The following CWF19L2 variants were observed in gnomAD, a reference collection of about 807,000 sequenced individuals.
The protein encoded by CWF19L2 is CWF19-like protein 2.
In CWF19L2, 98 loss-of-function variants were observed where a neutral mutation model predicts 111.7. The ratio of observed to expected loss-of-function variants is 0.88; its 90% CI spans 0.75 to 1.04. CWF19L2 has a LOEUF of 1.04. CWF19L2 is among the 50% of genes least tolerant of loss of function. The pLI, the probability that CWF19L2 is intolerant of heterozygous loss-of-function variation, is 0.00. For synonymous variants in CWF19L2, 351 were observed against 342.9 expected (o/e 1.02, Z -0.26); for missense variants, 1,101 against 1,051.4 (o/e 1.05, Z -0.65).
intron 10 of CWF19L2, among the ~76,000 whole-genome samples, chr11:107,411,267 G>A (rs1861153823): frequency 6.6e-6 from 1 of 152,034 alleles, no homozygotes; most frequent in African/African-American, 2.4e-5. Context: ...TCCCTTAGAT[G>A]GTTAAGTAAC....
chr11:107,418,900 A>C (rs151079885), intron 8 of CWF19L2, among the ~76,000 whole-genome samples: 29 of 152,368 alleles, frequency 1.9e-4, no homozygotes, highest in African/African-American at 6.3e-4. Context: ...GAAATAATTC[A>C]AGGCTACAGT....
chr11:107,401,653 C>T (rs1442466166), intron 10 of CWF19L2, among the ~76,000 whole-genome samples: 7 of 152,116 alleles, frequency 4.6e-5, no homozygotes, highest in African/African-American at 1.7e-4. Context: ...AATGACCATA[C>T]TGCCAAAAGC....
intron 8 of CWF19L2, among the ~76,000 whole-genome samples, chr11:107,426,776 GT>G (rs760827587): frequency 1.3e-5 from 2 of 151,374 alleles, no homozygotes; most frequent in Non-Finnish European, 3.0e-5. Flanking sequence ...TATAAGTTAT[GT>G]TTTTATAAAA....
chr11:107,439,060 T>G lies in CWF19L2; in HGVS notation c.664+30A>C, dbSNP rs765722237. The G allele has an allele frequency of 1.3e-5, 6 of 471,054 alleles. No individual in the cohort carries two copies. In the African/African-American group the frequency reaches 1.8e-4, roughly 14 times the overall value. The allele number at this position is 471,054 out of a possible 1,614,324, so 29.2% of individuals were successfully genotyped here. ...GAAAAAAAAAAAAAAAAAAAAACCC[T>G]GTGTGTCTATAATCAAAATGTAGAA... On this transcript the variant is annotated intron_variant, in intron 6 of 17. Transcript: ENST00000282251.
At chr11:107,436,928 A>G (rs1419135546) in intron 6 of CWF19L2, among the ~76,000 whole-genome samples, 1 of 152,196 alleles carries the variant, frequency 6.6e-6, no homozygotes, top group South Asian at 2.1e-4. Context: ...AAGCTGATAT[A>G]TAACTGTGCC....
chr11:107,345,626 A>G (rs1386954075), intron 14 of CWF19L2: 1 of 292,096 alleles, frequency 3.4e-6, no homozygotes, highest in African/African-American at 2.3e-5. Context: ...TCCAAGGAGG[A>G]TACACACACA....
chr11:107,337,367 TTGTGTGTGTGTGTGTGTGTGTGTG>T (rs5794537), intron 14 of CWF19L2, among the ~76,000 whole-genome samples: 13 of 148,218 alleles, frequency 8.8e-5, no homozygotes, highest in African/African-American at 2.2e-4. Flanking sequence ...GGTGTGTGTT[TTGTGTGTGTGTGTGTGTGTGTGTG>T]TGTGTGTGTG....
intron 4 of CWF19L2, among the ~76,000 whole-genome samples, chr11:107,442,498 C>T (rs1436055929): frequency 6.7e-6 from 1 of 149,604 alleles, no homozygotes; most frequent in Admixed American, 6.7e-5. Context: ...GTCTAGGCAA[C>T]ATAGGGAGAC....
At chr11:107,429,806 C>CAA (rs33980353) in intron 7 of CWF19L2, among the ~76,000 whole-genome samples, 1,373 of 105,626 alleles carry the variant, frequency 0.013, 26 homozygotes, top group African/African-American at 0.039. Flanking sequence ...AGATTCTCAC[C>CAA]AAAAAAAAAA....
chr11:107,441,687 A>T, intron 4 of CWF19L2, 65 bp from the exon 5 acceptor site: 1 of 1,382,038 alleles, frequency 7.2e-7, no homozygotes, highest in Non-Finnish European at 9.4e-7. Context: ...AACTGATTAG[A>T]ATTTAATAAA....
intron 12 of CWF19L2, among the ~76,000 whole-genome samples, chr11:107,374,529 A>C (rs1433107135): frequency 7.5e-6 from 1 of 133,634 alleles, no homozygotes; most frequent in Non-Finnish European, 1.6e-5. Context: ...TAAGCTTCCT[A>C]AGTGAAGGAG....
intron 10 of CWF19L2, among the ~76,000 whole-genome samples, chr11:107,398,093 A>T (rs940635529): frequency 6.6e-6 from 1 of 152,112 alleles, no homozygotes; most frequent in Non-Finnish European, 1.5e-5. Context: ...CAGAAAACCA[A>T]CCCTGGTAAT....
At chr11:107,343,347 T>C (rs1031448833) in intron 14 of CWF19L2, among the ~76,000 whole-genome samples, 14 of 152,112 alleles carry the variant, frequency 9.2e-5, no homozygotes, top group Non-Finnish European at 1.9e-4. Flanking sequence ...GGATTGACCC[T>C]TTCATCATTA....
At chr11:107,455,361 T>A (rs1176368621) in intron 2 of CWF19L2, among the ~76,000 whole-genome samples, 7 of 151,992 alleles carry the variant, frequency 4.6e-5, no homozygotes, top group Admixed American at 4.6e-4. Flanking sequence ...AAAAATAAAA[T>A]AAAATAAATA....
chr11:107,333,490 C>T (rs948029057), intron 16 of CWF19L2, among the ~76,000 whole-genome samples: 1 of 152,108 alleles, frequency 6.6e-6, no homozygotes, highest in African/African-American at 2.4e-5. Context: ...GAATACTTAA[C>T]AGCATGAGAA....
intron 6 of CWF19L2, among the ~76,000 whole-genome samples, chr11:107,437,917 A>G (rs1387397275): frequency 6.6e-6 from 1 of 152,196 alleles, no homozygotes; most frequent in Non-Finnish European, 1.5e-5. Context: ...TGTTCCCTAA[A>G]CTATCTATGA....
intron 3 of CWF19L2, among the ~76,000 whole-genome samples, chr11:107,447,393 G>A (rs1861715966): frequency 6.6e-6 from 1 of 152,092 alleles, no homozygotes; most frequent in South Asian, 2.1e-4. Context: ...AGTCCACAAG[G>A]TCAGGCAAAG....
intron 12 of CWF19L2, among the ~76,000 whole-genome samples, chr11:107,382,307 T>C (rs186055655): frequency 3.3e-5 from 5 of 152,322 alleles, no homozygotes; most frequent in Non-Finnish European, 4.4e-5. Flanking sequence ...ACATGAGTCA[T>C]TTGAATGACA....
intron 8 of CWF19L2, among the ~76,000 whole-genome samples, chr11:107,425,177 G>GAAACAC (rs1861356414): frequency 9.7e-6 from 1 of 102,834 alleles, no homozygotes; most frequent in Non-Finnish European, 1.9e-5. Context: ...TACTCTCTTT[G>GAAACAC]AAACACACAC....
Sources: gnomAD v4.1 joint callset for allele counts (sites outside exome capture counted in the v4.1 genomes callset) on GRCh38, gnomAD v4.1.1 for gene constraint, MANE v1.5 for transcripts, NCBI Gene and HGNC (gene_info 2026-07-23, HGNC 2026-07-21) for gene names.